LINGO2: variants seen among roughly 807,000 people sequenced by gnomAD.
The protein encoded by LINGO2 is leucine-rich repeat and immunoglobulin-like domain-containing nogo receptor-interacting protein 2.
LINGO2 carries 14 observed loss-of-function variants against 30.6 expected under a neutral mutation model. The observed-to-expected ratio is 0.46, with a 90% CI of 0.30 to 0.72. The LOEUF is 0.72. LINGO2 is among the 30% of genes least tolerant of loss of function. LINGO2 has a pLI of 0.07. For synonymous variants in LINGO2, 317 were observed against 288.5 expected, an observed-to-expected ratio of 1.10 and a Z score of -1.00; for missense variants, 729 against 751.7, an observed-to-expected ratio of 0.97 and a Z score of 0.35.
chr9:28,469,723 A>G (rs1408911124), intron 2 of LINGO2, among the ~76,000 whole-genome samples: 2 of 152,304 alleles, frequency 1.3e-5, no homozygotes, highest in Non-Finnish European at 2.9e-5. Context: ...TATTTGGCAT[A>G]AAGTTTCTTC....
the LINGO2 span, among the ~76,000 whole-genome samples, chr9:29,068,874 GT>G: frequency 3.3e-5 from 5 of 151,022 alleles, no homozygotes; most frequent in Non-Finnish European, 5.9e-5. Context: ...ACAGATGATT[GT>G]TTTTTTAACC....
the LINGO2 span, among the ~76,000 whole-genome samples, chr9:29,205,671 C>T: frequency 8.5e-5 from 13 of 152,236 alleles, no homozygotes; most frequent in South Asian, 2.1e-4. Flanking sequence ...AGGTCATCTG[C>T]GCCTTCAGTT....
At chr9:28,506,501 C>T (rs189907648) in intron 1 of LINGO2, among the ~76,000 whole-genome samples, 74,552 of 84,484 alleles carry the variant, frequency 0.88, 33,264 homozygotes, top group Non-Finnish European at 0.94. Flanking sequence ...CACACACACA[C>T]AGACATATAT....
chr9:28,659,058 C>G (rs1398078564), intron 1 of LINGO2, among the ~76,000 whole-genome samples: 1 of 151,978 alleles, frequency 6.6e-6, no homozygotes, highest in Non-Finnish European at 1.5e-5. Flanking sequence ...TGCTTTAGGT[C>G]TAAAATTATG....
At chr9:28,779,942 A>G in the LINGO2 span, among the ~76,000 whole-genome samples, 1 of 152,098 alleles carries the variant, frequency 6.6e-6, no homozygotes, top group Non-Finnish European at 1.5e-5. Context: ...TAGAAAATAT[A>G]GGACAAAAAA....
chr9:28,796,672 T>C, the LINGO2 span, among the ~76,000 whole-genome samples: 1 of 152,050 alleles, frequency 6.6e-6, no homozygotes, highest in Admixed American at 6.6e-5. Context: ...AGGGAGGACA[T>C]GTGTTTCTTT....
At chr9:27,968,551 G>T (rs1820207155) in intron 5 of LINGO2, among the ~76,000 whole-genome samples, 1 of 151,908 alleles carries the variant, frequency 6.6e-6, no homozygotes, top group Admixed American at 6.6e-5. Context: ...GTTAGATTGT[G>T]CTATAGGTAT....
intron 5 of LINGO2, among the ~76,000 whole-genome samples, chr9:28,000,308 G>T (rs919680250): frequency 6.6e-6 from 1 of 152,016 alleles, no homozygotes; most frequent in African/African-American, 2.4e-5. Context: ...AGCTTTACTG[G>T]GAAGACTTCA....
At chr9:28,632,611 A>G (rs143699028) in intron 1 of LINGO2, among the ~76,000 whole-genome samples, 3,486 of 139,012 alleles carry the variant, frequency 0.025, 131 homozygotes, top group African/African-American at 0.078. Flanking sequence ...AGATAAATAT[A>G]TTATCTATAT....
At chr9:29,137,233 G>C in the LINGO2 span, among the ~76,000 whole-genome samples, 5 of 152,074 alleles carry the variant, frequency 3.3e-5, no homozygotes, top group African/African-American at 1.2e-4. Context: ...TTTAAGTAGG[G>C]ACTTTTCCCC....
chr9:28,646,570 G>A (rs576258044), intron 1 of LINGO2, among the ~76,000 whole-genome samples: 148 of 151,766 alleles, frequency 9.8e-4, no homozygotes, highest in African/African-American at 3.4e-3. Flanking sequence ...CAACAAAAAG[G>A]ATCAGACAAA....
chr9:28,740,737 T>C, the LINGO2 span, among the ~76,000 whole-genome samples: 68 of 152,128 alleles, frequency 4.5e-4, no homozygotes, highest in Non-Finnish European at 8.2e-4. Context: ...TATACACACG[T>C]TGAGGGATGA....
At chr9:29,043,606 A>T in the LINGO2 span, among the ~76,000 whole-genome samples, 1 of 152,030 alleles carries the variant, frequency 6.6e-6, no homozygotes, top group Non-Finnish European at 1.5e-5. Context: ...ATTATTACTA[A>T]GTAGTGCCTG....
intron 2 of LINGO2, among the ~76,000 whole-genome samples, chr9:28,411,157 A>AT (rs5897297): frequency 7.3e-5 from 11 of 151,648 alleles, no homozygotes; most frequent in South Asian, 4.2e-4. Flanking sequence ...AAATGTATGG[A>AT]TTTTTTTTTA....
chr9:28,320,809 T>C (rs1276833189), intron 3 of LINGO2, among the ~76,000 whole-genome samples: 2 of 152,162 alleles, frequency 1.3e-5, no homozygotes, highest in African/African-American at 2.4e-5. Flanking sequence ...CCCTCAGACA[T>C]CTGTTCCCCT....
chr9:27,948,761 G>T, exon 6 of LINGO2: 1 of 1,413,316 alleles, frequency 7.1e-7, no homozygotes, highest in South Asian at 1.4e-5. Context: ...AGCTGCACAT[G>T]GCTGCCTCTT....
chr9:28,490,592 T>C (rs1826357248), intron 1 of LINGO2, among the ~76,000 whole-genome samples: 1 of 152,170 alleles, frequency 6.6e-6, no homozygotes, highest in Non-Finnish European at 1.5e-5. Flanking sequence ...AAGGTAATCT[T>C]GAATTAATTT....
At chr9:28,625,646 G>C (rs1023786195) in intron 1 of LINGO2, among the ~76,000 whole-genome samples, 3 of 151,902 alleles carry the variant, frequency 2.0e-5, no homozygotes, top group Non-Finnish European at 2.9e-5. Flanking sequence ...AGTAAAATGA[G>C]GTATGCCCAT....
the LINGO2 span, among the ~76,000 whole-genome samples, chr9:28,885,576 T>C: frequency 4.6e-5 from 7 of 151,886 alleles, no homozygotes; most frequent in South Asian, 8.3e-4. Flanking sequence ...ATAGTTAAAG[T>C]GTGTCAATAG....
Sources: gnomAD v4.1 joint callset for allele counts (sites outside exome capture counted in the v4.1 genomes callset) on GRCh38, gnomAD v4.1.1 for gene constraint, MANE v1.5 for transcripts, NCBI Gene and HGNC (gene_info 2026-07-23, HGNC 2026-07-21) for gene names.